Variants in WDR17 observed in about 807,000 individuals in gnomAD.
WDR17 encodes the protein WD repeat domain 17.
WDR17 carries 143 observed loss-of-function variants against 161.7 expected under a neutral mutation model. The ratio of observed to expected loss-of-function variants is 0.88; its 90% confidence interval spans 0.77 to 1.02. The LOEUF is 1.02. WDR17 is among the 50% of genes least tolerant of loss of function. WDR17 has a pLI of 0.00. For synonymous variants in WDR17, 517 were observed against 515.6 expected, an observed-to-expected ratio of 1.00 and a Z score of -0.04; for missense variants, 1,469 against 1,520.9, an observed-to-expected ratio of 0.97 and a Z score of 0.57.
At chr4:176,143,563 C>T (rs1745662392) in intron 11 of WDR17, among the ~76,000 whole-genome samples, 1 of 151,762 alleles carries the variant, frequency 6.6e-6, no homozygotes, top group Non-Finnish European at 1.5e-5. Context: ...CTTGTAGTCA[C>T]AGCTCCTCGG....
intron 18 of WDR17, among the ~76,000 whole-genome samples, 192 bp from the exon 19 acceptor site, chr4:176,159,802 A>G (rs1453341758): frequency 3.3e-5 from 5 of 152,222 alleles, no homozygotes; most frequent in Non-Finnish European, 7.3e-5. Context: ...TACCTATAGT[A>G]TTTATTATTT....
At chr4:176,133,187 T>TTA (rs1743788881) in intron 7 of WDR17, among the ~76,000 whole-genome samples, 1 of 146,190 alleles carries the variant, frequency 6.8e-6, no homozygotes, top group Admixed American at 6.8e-5. Context: ...TATTTTTATT[T>TTA]TTTTTTTTTT....
intron 23 of WDR17, 94 bp downstream of exon 23, chr4:176,168,877 C>G: frequency 2.1e-6 from 3 of 1,417,306 alleles, no homozygotes; most frequent in Non-Finnish European, 2.8e-6. Flanking sequence ...TGCAGAGAAA[C>G]AAATGTGTGG....
intron 9 of WDR17, among the ~76,000 whole-genome samples, chr4:176,138,383 C>T (rs1744737402): frequency 1.3e-5 from 2 of 151,650 alleles, no homozygotes; most frequent in Admixed American, 1.3e-4. Context: ...GTCCTGCTCC[C>T]CCACTACTTG....
intron 1 of WDR17, among the ~76,000 whole-genome samples, chr4:176,072,679 T>C (rs1329473593): frequency 6.6e-6 from 1 of 152,214 alleles, no homozygotes; most frequent in Non-Finnish European, 1.5e-5. Context: ...CAAGCACCTA[T>C]GGATTATATG....
chr4:176,166,110 A>G (rs941980551), intron 22 of WDR17: 2 of 1,091,608 alleles, frequency 1.8e-6, no homozygotes, highest in Admixed American at 2.9e-5. Flanking sequence ...TTCATATTTA[A>G]TATTTTCCTT....
intron 1 of WDR17, among the ~76,000 whole-genome samples, chr4:176,102,176 C>A (rs1401305099): frequency 6.6e-6 from 1 of 152,086 alleles, no homozygotes; most frequent in African/African-American, 2.4e-5. Flanking sequence ...GAAGATTGAA[C>A]AACCTGGTTT....
At chr4:176,102,170 A>G (rs62339422) in intron 1 of WDR17, among the ~76,000 whole-genome samples, 1 of 152,130 alleles carries the variant, frequency 6.6e-6, no homozygotes, top group Admixed American at 6.5e-5. Context: ...TAACTAGAAG[A>G]TTGAACAACC....
intron 9 of WDR17, among the ~76,000 whole-genome samples, chr4:176,138,583 A>G (rs1406438862): frequency 2.0e-5 from 3 of 151,772 alleles, no homozygotes; most frequent in African/African-American, 4.8e-5. Flanking sequence ...CACCAAAACA[A>G]CAATTTATTC....
intron 28 of WDR17, among the ~76,000 whole-genome samples, chr4:176,178,246 A>C (rs891839846): frequency 6.6e-6 from 1 of 152,192 alleles, no homozygotes; most frequent in Non-Finnish European, 1.5e-5. Context: ...GTCTCAAAAC[A>C]TAACCAGTAT....
intron 1 of WDR17, among the ~76,000 whole-genome samples, chr4:176,089,916 T>G (rs1236431131): frequency 1.3e-5 from 2 of 152,128 alleles, no homozygotes; most frequent in Middle Eastern, 3.2e-3. Context: ...TTCCTGGAAA[T>G]GAAGGTGTTC....
intron 11 of WDR17, 123 bp downstream of exon 11, chr4:176,142,192 C>G: frequency 1.7e-6 from 1 of 597,780 alleles, no homozygotes; most frequent in Non-Finnish European, 2.7e-6. Context: ...ATCCCCTTTG[C>G]CTAGCAAATG....
chr4:176,171,830 G>GA (rs1434378766), intron 23 of WDR17, among the ~76,000 whole-genome samples: 9 of 151,874 alleles, frequency 5.9e-5, no homozygotes, highest in Admixed American at 1.3e-4. Flanking sequence ...TTTCATGGAT[G>GA]AAAAAATCTC....
rs201581345 is a variant in WDR17, at chr4:176,131,776, T to G, written c.1098+38T>G. The G allele has an allele frequency of 4.1e-4, 591 of 1,424,558 alleles. 3 individuals are homozygous for G. The African/African-American group carries it at 8.1e-3, about 20-fold the overall frequency. 88.2% of individuals were successfully genotyped at this position (1,424,558 alleles called of 1,614,324 possible). On this transcript the variant is annotated intron_variant, in intron 7 of 28. Transcript: ENST00000508596. ...TCATTCCTTTATTATACATAATAGT[T>G]TTTTGTGTAAACCCATGATCTTTAC...
At chr4:176,093,611 A>G (rs772319220) in intron 1 of WDR17, among the ~76,000 whole-genome samples, 2 of 152,208 alleles carry the variant, frequency 1.3e-5, no homozygotes, top group Non-Finnish European at 1.5e-5. Context: ...TGAAATATCA[A>G]TTAGATTCAT....
intron 1 of WDR17, chr4:176,096,553 G>C: frequency 6.2e-7 from 1 of 1,600,292 alleles, no homozygotes; most frequent in Non-Finnish European, 8.5e-7. Context: ...AAATTGGTTT[G>C]AGCAAGATGA....
At chr4:176,103,430 T>C (rs890222544) in intron 1 of WDR17, among the ~76,000 whole-genome samples, 12 of 151,540 alleles carry the variant, frequency 7.9e-5, no homozygotes, top group African/African-American at 2.9e-4. Flanking sequence ...ATTATGTTTC[T>C]TTCAGTGGAA....
At chr4:176,157,600 G>C (rs1448130398) in intron 18 of WDR17, among the ~76,000 whole-genome samples, 1 of 152,070 alleles carries the variant, frequency 6.6e-6, no homozygotes, top group Non-Finnish European at 1.5e-5. Flanking sequence ...AGTTAGCAGA[G>C]GATATTTATT....
rs1746867584 is a variant in WDR17, at chr4:176,150,058, C to G, written c.2063C>G (p.Pro688Arg). 1 of 1,613,812 alleles carries G rather than the reference C, an allele frequency of 6.2e-7. No individual in the cohort carries two copies. Among genetic ancestry groups the G allele is most frequent in the South Asian group, 1.1e-5 (1 of 91,000 alleles). ...IIGNTDYAIEPGTPPLLCGKV... is the reference protein window; with the variant it reads ...IIGNTDYAIERGTPPLLCGKV... Reference sequence around the variant, plus strand: ...TGTTCTTCAGATTATGCTATAGAACCAGGCACTCCTCCTCTACTGTGTGGT... The same window carrying G: ...TGTTCTTCAGATTATGCTATAGAACGAGGCACTCCTCCTCTACTGTGTGGT... Residue 688 changes from proline (P) to arginine (R), a missense_variant, in exon 15 of 29, where the codon CCA becomes CGA. Pro to Arg is a moderately radical substitution (Grantham distance 103). Coordinates refer to ENST00000508596, the MANE Select transcript of WDR17 (RefSeq NM_181265.4).
Sources: allele counts gnomAD v4.1 joint callset (sites outside exome capture counted in the v4.1 genomes callset), GRCh38; gene constraint gnomAD v4.1.1; transcripts MANE v1.5; gene names NCBI Gene and HGNC (gene_info 2026-07-23, HGNC 2026-07-21).